The following WDR11 variants were observed in gnomAD, a reference collection of about 807,000 sequenced individuals.
The protein encoded by WDR11 is WD repeat-containing protein 11.
A neutral mutation model predicts 151.2 loss-of-function variants in WDR11; 83 were observed. The observed-to-expected ratio is 0.55, with a 90% CI of 0.46 to 0.66. The LOEUF is 0.66. Among genes scored for constraint, WDR11 ranks in the 30% least tolerant of loss-of-function variants. The pLI is 0.00. For missense variants in WDR11, 1,301 were observed against 1,480.9 expected, an observed-to-expected ratio of 0.88 and a Z score of 1.99; for synonymous variants, 484 against 533.1, an observed-to-expected ratio of 0.91 and a Z score of 1.27.
intron 19 of WDR11, among the ~76,000 whole-genome samples, chr10:120,894,882 T>C (rs1428393956): frequency 1.3e-5 from 2 of 152,042 alleles, no homozygotes; most frequent in Non-Finnish European, 2.9e-5. Flanking sequence ...TTTTCATGGC[T>C]GATCTTTACC....
In WDR11 at chr10:120,905,300, A is replaced by C. The variant is rs775660507; in HGVS notation, c.3194-19A>C. On this transcript the variant is annotated intron_variant, in intron 25 of 28. Coordinates refer to ENST00000263461, the MANE Select transcript of WDR11 (RefSeq NM_018117.12). ...AGGAGCTGCAGTGTCACTTAAGGGG[A>C]TGCGCTTTTGTCTTTCAGAGGGCGT... 1 of 1,612,758 alleles carries C rather than the reference A, an allele frequency of 6.2e-7. No individual in the cohort carries two copies. Among genetic ancestry groups the C allele is most frequent in the Admixed American group, 1.7e-5 (1 of 60,012 alleles).
chr10:120,887,233 T>TA (rs1328707628), intron 16 of WDR11, among the ~76,000 whole-genome samples: 1 of 152,228 alleles, frequency 6.6e-6, no homozygotes, highest in African/African-American at 2.4e-5. Context: ...GGATTTGACT[T>TA]ACAATCTAGT....
At chr10:120,903,897 T>C (rs1847933433) in intron 23 of WDR11, 150 bp from the exon 24 acceptor site, 2 of 599,706 alleles carry the variant, frequency 3.3e-6, no homozygotes, top group African/African-American at 3.7e-5. Context: ...CAAATTCTTA[T>C]TAAATGTTTG....
chr10:120,905,852 T>G (rs911166194), intron 26 of WDR11, 24 bp from the exon 27 acceptor site: 1 of 1,614,202 alleles, frequency 6.2e-7, no homozygotes, highest in Non-Finnish European at 8.5e-7. Flanking sequence ...ATGTTTTTGT[T>G]GTTAACACAG....
At chr10:120,865,537 TGCCC>T in intron 6 of WDR11, 89 bp from the exon 7 acceptor site, 4 of 852,938 alleles carry the variant, frequency 4.7e-6, no homozygotes, top group Non-Finnish European at 5.5e-6. Flanking sequence ...TTTTTTCTTT[TGCCC>T]ATATTATCTA....
intron 17 of WDR11, 30 bp downstream of exon 17, chr10:120,889,214 T>C (rs756795867): frequency 2.9e-6 from 4 of 1,399,858 alleles, no homozygotes; most frequent in Non-Finnish European, 4.0e-6. Context: ...TCTTGTTATT[T>C]CATTAAAAAA....
At position 120,878,414 on chromosome 10, in the gene WDR11, A is replaced by G. The variant is rs1278837241; in HGVS notation, c.1618A>G (p.Met540Val). The G allele has an allele frequency of 6.8e-6, 11 of 1,613,326 alleles. No homozygotes were observed. Among genetic ancestry groups the G allele is most frequent in the East Asian group, 4.5e-5 (2 of 44,728 alleles). ...LSFATSTPNN[M>V]GLVRNELQLV... ...TTTTGCTACCTCAACACCAAACAAT[A>G]TGGGATTAGTGAGAAATGAACTTCA... The change falls in exon 12 of 29, where the codon ATG (methionine) becomes GTG (valine). Residue 540 changes from methionine (M) to valine (V), a missense_variant. Coordinates refer to ENST00000263461, the MANE Select transcript of WDR11 (RefSeq NM_018117.12).
At chr10:120,899,334 A>C (rs977643726) in intron 19 of WDR11, among the ~76,000 whole-genome samples, 31 of 152,164 alleles carry the variant, frequency 2.0e-4, no homozygotes, top group Admixed American at 3.9e-4. Context: ...TGTTAGTTGA[A>C]TAGTCTCGGA....
At chr10:120,851,658 T>G in intron 1 of WDR11, 152 bp downstream of exon 1, 1 of 906,548 alleles carries the variant, frequency 1.1e-6, no homozygotes, top group South Asian at 1.5e-5. Flanking sequence ...GTTGGTGGAT[T>G]TTTGTTGTTA....
intron 11 of WDR11, among the ~76,000 whole-genome samples, chr10:120,877,174 CTT>C (rs1384598128): frequency 6.6e-6 from 1 of 151,970 alleles, no homozygotes; most frequent in African/African-American, 2.4e-5. Context: ...AAATACTTGA[CTT>C]ATACATGTTA....
intron 4 of WDR11, among the ~76,000 whole-genome samples, chr10:120,861,201 T>C (rs1483838263): frequency 1.3e-5 from 2 of 152,158 alleles, no homozygotes; most frequent in East Asian, 3.9e-4. Flanking sequence ...GACTCAAAAT[T>C]GTTTTACCCA....
At position 120,851,598 on chromosome 10, in the gene WDR11, T is replaced by C. The variant is rs950726699; in HGVS notation, c.86+92T>C. 62 of 1,497,024 alleles carry C rather than the reference T, an allele frequency of 4.1e-5. No individual in the cohort carries two copies. In the Middle Eastern group the frequency reaches 5.1e-4, roughly 12 times the overall value. 92.7% of individuals were successfully genotyped at this position (1,497,024 alleles called of 1,614,324 possible). A position where few individuals can be genotyped will look rare whatever the true frequency, so the allele number is the denominator to read the frequency against. The stretch of plus-strand genomic sequence containing the variant: ...CAAGAGGTTTCACCCCCTGGTTAGT[T>C]TGGCCTCGCTAAGGCAGGGAGCCGC... On this transcript the variant is annotated intron_variant, in intron 1 of 28. Coordinates refer to ENST00000263461, the MANE Select transcript of WDR11 (RefSeq NM_018117.12).
Position 120,871,363 on chromosome 10 carries a change from GTCT to G in WDR11, c.1471+19_1471+21del. 6.2e-7 allele frequency: 1 copy of G among 1,609,680 alleles called. No individual in the cohort carries two copies. The highest frequency in any genetic ancestry group is 8.5e-7 in the Non-Finnish European group (1 of 1,177,808). ...TGGCTGTTGGTGAGTATTTGACCTGGTCTTTTTTTTTTTAACTCACTTTATAAG... is the reference window on the plus strand; with the variant it reads ...TGGCTGTTGGTGAGTATTTGACCTGGTTTTTTTTTTAACTCACTTTATAAG... On this transcript the variant is annotated intron_variant, in intron 10 of 28. Coordinates refer to ENST00000263461, the MANE Select transcript of WDR11 (RefSeq NM_018117.12).
intron 2 of WDR11, chr10:120,856,063 C>T (rs1018769369): frequency 6.6e-6 from 1 of 152,130 alleles, no homozygotes. Flanking sequence ...ATTTCTGGAG[C>T]TTTTATTTCT....
At chr10:120,903,520 AAAAG>A (rs1359529911) in intron 23 of WDR11, among the ~76,000 whole-genome samples, 2 of 150,950 alleles carry the variant, frequency 1.3e-5, no homozygotes, top group African/African-American at 2.4e-5. Context: ...CAAAAAAAAA[AAAAG>A]AAAGAAAAGA....
At chr10:120,870,971 G>C (rs906621635) in intron 9 of WDR11, among the ~76,000 whole-genome samples, 199 bp from the exon 10 acceptor site, 5 of 152,152 alleles carry the variant, frequency 3.3e-5, no homozygotes, top group Non-Finnish European at 7.4e-5. Flanking sequence ...TCTATCCTTT[G>C]AGGTGTTAGT....
chr10:120,862,226 C>T (rs2133738970), intron 4 of WDR11, among the ~76,000 whole-genome samples: 1 of 151,802 alleles, frequency 6.6e-6, no homozygotes, highest in African/African-American at 2.4e-5. Context: ...CTGCAACCTC[C>T]ACCTCCCAGT....
chr10:120,857,569 G>A (rs539826945), intron 2 of WDR11, among the ~76,000 whole-genome samples: 1 of 151,862 alleles, frequency 6.6e-6, no homozygotes, highest in Non-Finnish European at 1.5e-5. Flanking sequence ...AAAAATTTTT[G>A]CCTGAGCAAA....
chr10:120,907,784 A>G (rs1469289808), intron 28 of WDR11: 2 of 148,644 alleles, frequency 1.3e-5, no homozygotes, highest in East Asian at 2.0e-4. Flanking sequence ...AGCTGGGACC[A>G]TAGGTCCACA....
Sources: allele counts gnomAD v4.1 joint callset (sites outside exome capture counted in the v4.1 genomes callset), GRCh38; gene constraint gnomAD v4.1.1; transcripts MANE v1.5; gene names NCBI Gene and HGNC (gene_info 2026-07-23, HGNC 2026-07-21).